The following SGCZ variants were observed in gnomAD, a reference collection of about 807,000 sequenced individuals.
SGCZ encodes sarcoglycan zeta, also known as zeta-sarcoglycan.
In SGCZ, 40 loss-of-function variants were observed where a neutral mutation model predicts 41.3. The ratio of observed to expected loss-of-function variants is 0.97; its 90% CI spans 0.75 to 1.26. The LOEUF (loss-of-function observed/expected upper bound fraction) is 1.26. SGCZ is among the 50% of genes most tolerant of loss of function. SGCZ has a pLI of 0.00. For synonymous variants in SGCZ, 206 were observed against 137.5 expected, an observed-to-expected ratio of 1.50 and a Z score of -3.49; for missense variants, 552 against 369.8, an observed-to-expected ratio of 1.49 and a Z score of -4.04.
chr8:14,603,885 A>C (rs1180914088), intron 1 of SGCZ, among the ~76,000 whole-genome samples: 1 of 152,172 alleles, frequency 6.6e-6, no homozygotes, highest in Non-Finnish European at 1.5e-5. Context: ...ATTCAAAAAC[A>C]ATATGATGAA....
rs144491748 is a variant in SGCZ at position 14,300,986 on chromosome 8, C to T, written c.336+23117G>A. ...AGCCTCCAACCAGAAAAGATATAGCCAGAAAGCTCGTATATATGAGTAAGA... is the reference window on the plus strand; with the variant it reads ...AGCCTCCAACCAGAAAAGATATAGCTAGAAAGCTCGTATATATGAGTAAGA... On this transcript the variant is annotated intron_variant, in intron 3 of 7. Transcript: ENST00000382080. Among the ~76,000 whole-genome samples the T allele has an allele frequency of 1.2e-3, 182 of 151,866 alleles. 1 individual carries two copies. Among genetic ancestry groups the T allele is most frequent in the African/African-American group, 4.3e-3 (178 of 41,480 alleles).
chr8:14,518,583 C>A (rs1237262765), intron 2 of SGCZ, among the ~76,000 whole-genome samples: 2 of 152,056 alleles, frequency 1.3e-5, no homozygotes, highest in Non-Finnish European at 2.9e-5. Context: ...GAATTCCTTA[C>A]TGGGTTTGAA....
chr8:14,202,571 G>C (rs906732941), intron 4 of SGCZ, among the ~76,000 whole-genome samples: 1 of 152,014 alleles, frequency 6.6e-6, no homozygotes, highest in Non-Finnish European at 1.5e-5. Flanking sequence ...GCAGATCAAT[G>C]CAGTAAGTTT....
At chr8:14,242,356 G>C (rs759257501) in intron 3 of SGCZ, among the ~76,000 whole-genome samples, 13 of 152,148 alleles carry the variant, frequency 8.5e-5, no homozygotes, top group Non-Finnish European at 1.9e-4. Context: ...ATCCAGTTAT[G>C]AAGCTTACAA....
intron 3 of SGCZ, among the ~76,000 whole-genome samples, chr8:14,287,228 C>A (rs1383572599): frequency 6.6e-6 from 1 of 150,604 alleles, no homozygotes. Context: ...TTAATTTTTT[C>A]AATGTGTATA....
intron 1 of SGCZ, among the ~76,000 whole-genome samples, chr8:15,099,162 T>C (rs1213840273): frequency 6.6e-6 from 1 of 152,194 alleles, no homozygotes; most frequent in Non-Finnish European, 1.5e-5. Context: ...TCAGAAACAA[T>C]AGGTAAAGCC....
intron 1 of SGCZ, among the ~76,000 whole-genome samples, chr8:14,743,465 G>T (rs1002512353): frequency 3.9e-5 from 6 of 152,006 alleles, no homozygotes; most frequent in African/African-American, 1.4e-4. Context: ...AAAGTAAAAT[G>T]AATCAGATTT....
intron 4 of SGCZ, among the ~76,000 whole-genome samples, chr8:14,212,146 A>G (rs532915334): frequency 4.8e-4 from 73 of 152,222 alleles, no homozygotes; most frequent in African/African-American, 1.7e-3. Flanking sequence ...TTCACATTGT[A>G]GTAAGGAGCA....
chr8:15,223,856 T>TTTTATTTATTTATTTATTTATTTATTTA (rs35421677), intron 1 of SGCZ, among the ~76,000 whole-genome samples: 103 of 149,784 alleles, frequency 6.9e-4, no homozygotes, highest in African/African-American at 2.2e-3. Context: ...CTTTTTAAAT[T>TTTTATTTATTTATTTATTTATTTATTTA]TTTATTTATT....
rs190414502 is a variant in SGCZ, at chr8:15,107,693, G to A, written c.39+129892C>T. Among the ~76,000 whole-genome samples, 318 of 152,128 alleles carry A rather than the reference G, an allele frequency of 2.1e-3. 1 individual carries two copies. Among genetic ancestry groups the A allele is most frequent in the African/African-American group, 7.4e-3 (307 of 41,506 alleles). ...TTTGTTTTAAGTTACCCAGCCTCAG[G>A]TATTCAGTTACAGCAACACAAAACG... is the stretch of plus-strand genomic sequence containing the variant. On this transcript the variant is annotated intron_variant, in intron 1 of 7. Coordinates refer to ENST00000382080, the MANE Select transcript of SGCZ (RefSeq NM_139167.4).
intron 1 of SGCZ, among the ~76,000 whole-genome samples, chr8:14,803,562 C>G (rs1180968942): frequency 6.6e-6 from 1 of 152,214 alleles, no homozygotes; most frequent in South Asian, 2.1e-4. Flanking sequence ...ATCCCGCACC[C>G]GGCTCAGAGG....
chr8:14,459,601 G>A (rs1474835065), intron 2 of SGCZ, among the ~76,000 whole-genome samples: 2 of 152,064 alleles, frequency 1.3e-5, no homozygotes, highest in African/African-American at 2.4e-5. Context: ...TCTATCTCAA[G>A]ACATTTATTA....
chr8:14,433,915 G>A (rs1275774636), intron 2 of SGCZ, among the ~76,000 whole-genome samples: 7 of 152,260 alleles, frequency 4.6e-5, no homozygotes, highest in African/African-American at 1.4e-4. Context: ...TTTTCTAAGA[G>A]TTGACATTTT....
At chr8:14,105,815 T>C (rs2116993557) in intron 6 of SGCZ, among the ~76,000 whole-genome samples, 1 of 152,282 alleles carries the variant, frequency 6.6e-6, no homozygotes, top group Admixed American at 6.5e-5. Flanking sequence ...ATAATTAAAA[T>C]ACCAGTTGGT....
At chr8:15,226,010 T>C (rs533602045) in intron 1 of SGCZ, among the ~76,000 whole-genome samples, 1 of 152,352 alleles carries the variant, frequency 6.6e-6, no homozygotes, top group South Asian at 2.1e-4. Flanking sequence ...AACGCAGCTA[T>C]GATGACTAAG....
intron 2 of SGCZ, among the ~76,000 whole-genome samples, chr8:14,402,338 G>A (rs1324620747): frequency 1.3e-5 from 2 of 151,532 alleles, no homozygotes; most frequent in African/African-American, 4.9e-5. Context: ...ATTGCTTTTG[G>A]TGTTTTAGAC....
chr8:14,224,565 C>T (rs750874787), intron 4 of SGCZ, among the ~76,000 whole-genome samples: 16 of 152,134 alleles, frequency 1.1e-4, no homozygotes, highest in South Asian at 2.1e-4. Flanking sequence ...TATGTGAAAG[C>T]TCAATTATGC....
chr8:15,073,986 A>T (rs1309149502), intron 1 of SGCZ, among the ~76,000 whole-genome samples: 1 of 152,208 alleles, frequency 6.6e-6, no homozygotes, highest in Non-Finnish European at 1.5e-5. Flanking sequence ...ACTTTAAAGC[A>T]AGGATGATAA....
chr8:14,268,686 G>A (rs1799958834), intron 3 of SGCZ, among the ~76,000 whole-genome samples: 1 of 151,694 alleles, frequency 6.6e-6, no homozygotes, highest in Non-Finnish European at 1.5e-5. Flanking sequence ...GCATATATAT[G>A]TGTTATTAGA....
Sources: allele counts gnomAD v4.1 joint callset (sites outside exome capture counted in the v4.1 genomes callset), GRCh38; gene constraint gnomAD v4.1.1; transcripts MANE v1.5; gene names NCBI Gene and HGNC (gene_info 2026-07-23, HGNC 2026-07-21).